Variants in GYPB observed in about 807,000 individuals in gnomAD.
GYPB encodes glycophorin-B.
In GYPB, 13 loss-of-function variants were observed where a neutral mutation model predicts 15.3. That is an observed-to-expected ratio of 0.85 (90% CI 0.55 to 1.35). The LOEUF (loss-of-function observed/expected upper bound fraction) is 1.35, where lower values mean the gene tolerates loss of function less well. Among genes scored for constraint, GYPB ranks in the 40% most tolerant of loss-of-function variants. GYPB has a pLI of 0.00. For missense variants in GYPB, 131 were observed against 108.3 expected, an observed-to-expected ratio of 1.21 and a Z score of -0.93; for synonymous variants, 38 against 36.9, an observed-to-expected ratio of 1.03 and a Z score of -0.11.
chr4:143,995,765 T>C (rs1727283759), downstream of GYPB, among the ~76,000 whole-genome samples: 3 of 151,360 alleles, frequency 2.0e-5, no homozygotes, highest in Non-Finnish European at 4.4e-5. Flanking sequence ...AAAAATCTGG[T>C]TTTTGACAAA....
intron 1 of GYPB, among the ~76,000 whole-genome samples, chr4:144,013,426 C>T (rs192596887): frequency 6.6e-6 from 1 of 151,340 alleles, no homozygotes; most frequent in East Asian, 1.9e-4. Flanking sequence ...TGGGTATATA[C>T]CCAAAGGACC....
At chr4:144,018,776 G>A (rs1728634436) in intron 1 of GYPB, among the ~76,000 whole-genome samples, 3 of 150,440 alleles carry the variant, frequency 2.0e-5, no homozygotes, top group African/African-American at 7.5e-5. Flanking sequence ...GACCCACAGA[G>A]AAGCAAACAA....
At chr4:143,995,971 C>T (rs1383009555), downstream of GYPB, 11 of 329,368 alleles carry the variant, frequency 3.3e-5, no homozygotes, top group Non-Finnish European at 5.4e-5. Context: ...AGGCTGAAGT[C>T]TTCATTCCCC....
intron 1 of GYPB, among the ~76,000 whole-genome samples, chr4:144,011,706 T>G (rs10002395): frequency 0.27 from 40,733 of 150,604 alleles, 6,272 homozygotes; most frequent in Middle Eastern, 0.33. Flanking sequence ...CACAAGCTAT[T>G]GATTTATATG....
chr4:144,010,812 A>G (rs1277853177), intron 1 of GYPB, among the ~76,000 whole-genome samples: 2 of 151,364 alleles, frequency 1.3e-5, no homozygotes, highest in Non-Finnish European at 2.9e-5. Context: ...TGTGTGCTGC[A>G]CCACTAAAAT....
At chr4:144,014,706 G>A (rs1402572386) in intron 1 of GYPB, among the ~76,000 whole-genome samples, 1 of 151,382 alleles carries the variant, frequency 6.6e-6, no homozygotes, top group Non-Finnish European at 1.5e-5. Flanking sequence ...TAATGGTGAT[G>A]GGTGTGCATC....
intron 4 of GYPB, among the ~76,000 whole-genome samples, chr4:143,996,512 T>C (rs1226990739): frequency 6.6e-6 from 1 of 151,036 alleles, no homozygotes; most frequent in African/African-American, 2.5e-5. Flanking sequence ...ACACCTGTAA[T>C]CCCAGCACTT....
chr4:143,995,605 T>C (rs1009058470), downstream of GYPB, among the ~76,000 whole-genome samples: 1 of 151,272 alleles, frequency 6.6e-6, no homozygotes, highest in East Asian at 1.9e-4. Flanking sequence ...CTGGAGGTGA[T>C]GAGTGCTCTC....
At chr4:144,001,106 G>A (rs894285951) in intron 2 of GYPB, 79 bp downstream of exon 2, 2 of 1,609,274 alleles carry the variant, frequency 1.2e-6, no homozygotes, top group Non-Finnish European at 1.7e-6. Flanking sequence ...TTTCTCTGCA[G>A]TGACAGGTCC....
chr4:144,006,437 A>C (rs1727919939), intron 1 of GYPB, among the ~76,000 whole-genome samples: 1 of 151,978 alleles, frequency 6.6e-6, no homozygotes, highest in African/African-American at 2.4e-5. Flanking sequence ...GGAAATAGCC[A>C]GCCTCCTAGC....
intron 1 of GYPB, among the ~76,000 whole-genome samples, chr4:144,003,577 A>G (rs145004484): frequency 0.013 from 2,045 of 151,614 alleles, 163 homozygotes; most frequent in African/African-American, 0.047. Context: ...GAAGTCAGAG[A>G]AGGTGAAAAG....
At chr4:144,018,504 T>A (rs1728619859) in intron 1 of GYPB, among the ~76,000 whole-genome samples, 1 of 151,226 alleles carries the variant, frequency 6.6e-6, no homozygotes. Context: ...GCACTAGTAT[T>A]GCTAACACAT....
intron 4 of GYPB, among the ~76,000 whole-genome samples, chr4:143,996,737 A>T (rs903258062): frequency 6.6e-6 from 1 of 150,496 alleles, no homozygotes; most frequent in African/African-American, 2.5e-5. Context: ...GCCACTTTGC[A>T]CTCGAGCCTG....
intron 1 of GYPB, among the ~76,000 whole-genome samples, chr4:144,014,988 A>G (rs953427670): frequency 1.7e-4 from 26 of 151,508 alleles, no homozygotes; most frequent in African/African-American, 6.1e-4. Flanking sequence ...CACTACAAAG[A>G]AAGATGACAT....
intron 1 of GYPB, chr4:144,002,624 T>G: frequency 7.8e-7 from 1 of 1,287,102 alleles, no homozygotes. Context: ...CCAAGTGCAG[T>G]GGAGTGGAGG....
chr4:144,001,379 C>A (rs1275543322), intron 1 of GYPB, 96 bp from the exon 2 acceptor site: 2 of 1,599,498 alleles, frequency 1.3e-6, no homozygotes, highest in Non-Finnish European at 8.5e-7. Flanking sequence ...CACATCCCTC[C>A]AGTCCCTGAG....
chr4:143,997,655 A>G (rs1477726625), intron 3 of GYPB, 21 bp from the exon 4 acceptor site: 3 of 1,245,540 alleles, frequency 2.4e-6, no homozygotes, highest in South Asian at 2.4e-5. Flanking sequence ...CAGCAAAATT[A>G]TGAAAGTCTG....
intron 1 of GYPB, among the ~76,000 whole-genome samples, chr4:144,016,320 T>C (rs1439284638): frequency 2.0e-5 from 3 of 150,324 alleles, no homozygotes; most frequent in Non-Finnish European, 1.5e-5. Flanking sequence ...TCTTTCCTCC[T>C]CCCCTTCCTC....
intron 1 of GYPB, among the ~76,000 whole-genome samples, chr4:144,010,015 CCCCTGTATTAGCATAA>C (rs1333397657): frequency 1.3e-5 from 2 of 151,292 alleles, no homozygotes; most frequent in Admixed American, 6.6e-5. Context: ...GTTTGCTTGG[CCCCTGTATTAGCATAA>C]CTAGAATGTC....
Sources: allele counts gnomAD v4.1 joint callset (sites outside exome capture counted in the v4.1 genomes callset), GRCh38; gene constraint gnomAD v4.1.1; transcripts MANE v1.5; gene names NCBI Gene and HGNC (gene_info 2026-07-23, HGNC 2026-07-21).